Variants in PRR16 observed in about 807,000 individuals in gnomAD.
PRR16 encodes proline rich 16.
Under a neutral mutation model 18.2 loss-of-function variants are expected in PRR16, and 6 were observed. That is an observed-to-expected ratio of 0.33 (90% CI 0.18 to 0.65). The LOEUF (loss-of-function observed/expected upper bound fraction) is 0.65, where lower values mean the gene tolerates loss of function less well. PRR16 is among the 30% of genes least tolerant of loss of function. The pLI is 0.74. For missense variants in PRR16, 412 were observed against 376.6 expected, an observed-to-expected ratio of 1.09 and a Z score of -0.78; for synonymous variants, 151 against 147.8, an observed-to-expected ratio of 1.02 and a Z score of -0.16.
At chr5:120,633,713 AAATTT>A (rs1755134923) in intron 1 of PRR16, among the ~76,000 whole-genome samples, 1 of 151,022 alleles carries the variant, frequency 6.6e-6, no homozygotes, top group Non-Finnish European at 1.5e-5. Flanking sequence ...TGGAGGTCCC[AAATTT>A]GTAAAACAGT....
rs181820589 is a variant in PRR16, at chr5:120,472,381, C to G, written c.159+7736C>G. 3.8e-3 allele frequency among the ~76,000 whole-genome samples: 581 copies of G among 152,136 alleles called. 1 individual carries two copies. The highest frequency in any genetic ancestry group is 6.7e-3 in the Non-Finnish European group (455 of 67,964). On this transcript the variant is annotated intron_variant, in intron 1 of 1. Transcript: ENST00000407149. ...TATGAGAGAAAAATACTGGGTTAAA[C>G]AATATCAGTCAAATCAATTGCCTTC...
the PRR16 span, among the ~76,000 whole-genome samples, chr5:120,768,978 A>AAT: frequency 6.6e-6 from 1 of 151,680 alleles, no homozygotes; most frequent in Non-Finnish European, 1.5e-5. Context: ...GTCTTACCAA[A>AAT]ATTTATATAT....
At chr5:120,697,769 T>A in the PRR16 span, among the ~76,000 whole-genome samples, 5 of 151,054 alleles carry the variant, frequency 3.3e-5, no homozygotes, top group African/African-American at 7.3e-5. Context: ...TCAGTGGGGG[T>A]GCTTTTTGAG....
Position 120,493,223 on chromosome 5 carries a change from G to GT in PRR16, c.159+28585dup, listed in dbSNP as rs1200576596. ...CACCACATCTACACCAACATCAACT[G>GT]TTTTTTTACTTTTTAATTATGGCCA... On this transcript the variant is annotated intron_variant, in intron 1 of 1. Transcript: ENST00000407149. 6.6e-5 allele frequency among the ~76,000 whole-genome samples: 10 copies of GT among 152,152 alleles called. No homozygotes were observed. In the South Asian group the frequency reaches 2.1e-3, roughly 32 times the overall value.
At chr5:120,702,962 C>G in the PRR16 span, among the ~76,000 whole-genome samples, 1 of 152,188 alleles carries the variant, frequency 6.6e-6, no homozygotes, top group Non-Finnish European at 1.5e-5. Context: ...CACTAAATTT[C>G]ATGCACGTCC....
At chr5:120,703,638 G>T in the PRR16 span, among the ~76,000 whole-genome samples, 1 of 152,150 alleles carries the variant, frequency 6.6e-6, no homozygotes, top group East Asian at 1.9e-4. Flanking sequence ...CTATTCTCAT[G>T]GCTTTGTCTA....
At chr5:120,599,939 A>G (rs1008451127) in intron 1 of PRR16, among the ~76,000 whole-genome samples, 20 of 151,894 alleles carry the variant, frequency 1.3e-4, no homozygotes, top group African/African-American at 4.8e-4. Flanking sequence ...AAGGTTTGCA[A>G]CAGATTTTCT....
intron 1 of PRR16, among the ~76,000 whole-genome samples, chr5:120,675,543 T>G (rs1350923057): frequency 6.6e-6 from 1 of 152,192 alleles, no homozygotes; most frequent in Non-Finnish European, 1.5e-5. Context: ...TTTCCACCTT[T>G]TTATTAACTC....
chr5:120,617,119 C>T, intron 1 of PRR16: 1 of 985,346 alleles, frequency 1.0e-6, no homozygotes, highest in Non-Finnish European at 1.2e-6. Flanking sequence ...ACTCCCACCT[C>T]CCCACATGAT....
At chr5:120,626,580 G>A (rs1754872461) in intron 1 of PRR16, among the ~76,000 whole-genome samples, 2 of 152,062 alleles carry the variant, frequency 1.3e-5, no homozygotes, top group African/African-American at 4.8e-5. Flanking sequence ...TAAAAGAATT[G>A]TACACTTAAA....
At chr5:120,729,124 C>G in the PRR16 span, among the ~76,000 whole-genome samples, 1 of 152,074 alleles carries the variant, frequency 6.6e-6, no homozygotes, top group Non-Finnish European at 1.5e-5. Flanking sequence ...TGTAAAACTT[C>G]CTCTAAGCTT....
Position 120,570,402 on chromosome 5 carries a change from G to A in PRR16, c.159+105757G>A, listed in dbSNP as rs972508576. The stretch of plus-strand genomic sequence containing the variant: ...GGGGATAAATGGTGAAAAGACAACC[G>A]CCAAATGCCCTGCACAGGTTGATAT... On this transcript the variant is annotated intron_variant, in intron 1 of 1. Transcript: ENST00000407149. Among the ~76,000 whole-genome samples, 7 of 152,106 alleles carry A rather than the reference G, an allele frequency of 4.6e-5. No homozygotes were observed. The South Asian group carries it at 1.2e-3, about 27-fold the overall frequency.
the PRR16 span, among the ~76,000 whole-genome samples, chr5:120,775,960 C>A: frequency 6.6e-6 from 1 of 151,746 alleles, no homozygotes; most frequent in Non-Finnish European, 1.5e-5. Flanking sequence ...AACTATAAAT[C>A]TAACCAGCTT....
rs528490621 is a variant in PRR16, at chr5:120,525,122, TA to T, written c.159+60479del. Among the ~76,000 whole-genome samples, 162 of 152,208 alleles carry T rather than the reference TA, an allele frequency of 1.1e-3. 1 individual carries two copies. The highest frequency in any genetic ancestry group is 3.7e-3 in the African/African-American group (154 of 41,570). On this transcript the variant is annotated intron_variant, in intron 1 of 1. Transcript: ENST00000407149. ...TTTCTTATGAGAGTTTCCTTATTTC[TA>T]ATGCAGTCTTACTGATATAAGGAAA...
At chr5:120,487,023 A>C (rs1580632066) in intron 1 of PRR16, among the ~76,000 whole-genome samples, 1 of 152,314 alleles carries the variant, frequency 6.6e-6, no homozygotes, top group East Asian at 1.9e-4. Flanking sequence ...TTTTGGTACC[A>C]GTACCATGCT....
chr5:120,761,794 A>G, the PRR16 span, among the ~76,000 whole-genome samples: 2,523 of 152,168 alleles, frequency 0.017, 76 homozygotes, highest in African/African-American at 0.057. Context: ...CTACTCTGCT[A>G]TTGAACATTG....
chr5:120,680,093 C>G (rs954393374), intron 1 of PRR16, among the ~76,000 whole-genome samples: 1 of 152,046 alleles, frequency 6.6e-6, no homozygotes, highest in Non-Finnish European at 1.5e-5. Context: ...ATTTTATAAC[C>G]TCATGTGTAC....
the PRR16 span, among the ~76,000 whole-genome samples, chr5:120,785,601 C>CT: frequency 1.7e-5 from 1 of 59,768 alleles, no homozygotes; most frequent in Admixed American, 1.6e-4. Context: ...GAGACAGAGT[C>CT]TTTCTCTGTC....
chr5:120,514,907 G>T (rs966043339), intron 1 of PRR16, among the ~76,000 whole-genome samples: 11 of 152,008 alleles, frequency 7.2e-5, no homozygotes, highest in Non-Finnish European at 1.3e-4. Flanking sequence ...CTTCCAATTT[G>T]TATCTGTTAC....
Sources: gnomAD v4.1 joint callset for allele counts (sites outside exome capture counted in the v4.1 genomes callset) on GRCh38, gnomAD v4.1.1 for gene constraint, MANE v1.5 for transcripts, NCBI Gene and HGNC (gene_info 2026-07-23, HGNC 2026-07-21) for gene names.